Variants in ABLIM1 observed in about 807,000 individuals in gnomAD.
ABLIM1 encodes actin-binding LIM protein 1.
ABLIM1 carries 40 observed loss-of-function variants against 107.0 expected under a neutral mutation model. The ratio of observed to expected loss-of-function variants is 0.37; its 90% CI spans 0.29 to 0.49. The LOEUF is 0.49. Among genes scored for constraint, ABLIM1 ranks in the 20% least tolerant of loss-of-function variants. The pLI is 0.97. For synonymous variants in ABLIM1, 357 were observed against 357.3 expected, an observed-to-expected ratio of 1.00 and a Z score of 0.01; for missense variants, 857 against 1,008.5, an observed-to-expected ratio of 0.85 and a Z score of 2.04.
chr10:114,615,804 T>C (rs2077094728), intron 1 of ABLIM1, among the ~76,000 whole-genome samples: 2 of 150,274 alleles, frequency 1.3e-5, no homozygotes. Context: ...CTCATTTAAG[T>C]CTCTGACTCA....
intron 1 of ABLIM1, among the ~76,000 whole-genome samples, chr10:114,718,816 C>A (rs2081767456): frequency 6.6e-6 from 1 of 152,104 alleles, no homozygotes. Flanking sequence ...CAACAAAAAG[C>A]AAGGTGCAGA....
At chr10:114,439,123 T>C in intron 21 of ABLIM1, 53 bp downstream of exon 21, 1 of 1,591,798 alleles carries the variant, frequency 6.3e-7, no homozygotes, top group Non-Finnish European at 8.6e-7. Flanking sequence ...ACATCAAATC[T>C]GTTTAGGGTT....
rs187049932 is a variant in ABLIM1 at position 114,448,053 on chromosome 10, C to T, written c.1595-33G>A. On this transcript the variant is annotated intron_variant, in intron 14 of 22. Transcript: ENST00000533213. The stretch of plus-strand genomic sequence containing the variant: ...TAGATGGGAATCAGGGGTTGCTTAG[C>T]TATTGGTCTGTAAGACAATGGCGGT... 5.4e-5 allele frequency: 87 copies of T among 1,613,680 alleles called. No homozygotes were observed. The African/African-American group carries it at 9.6e-4, about 18-fold the overall frequency.
intron 14 of ABLIM1, 29 bp from the exon 15 acceptor site, chr10:114,448,049 T>C (rs767967029): frequency 1.2e-6 from 2 of 1,613,926 alleles, no homozygotes; most frequent in East Asian, 4.5e-5. Context: ...CAGGGGTTGC[T>C]TAGCTATTGG....
chr10:114,583,448 C>T (rs866493214), intron 2 of ABLIM1, among the ~76,000 whole-genome samples: 2 of 75,712 alleles, frequency 2.6e-5, no homozygotes, highest in African/African-American at 1.5e-4. Flanking sequence ...CACACACACA[C>T]ACACACACAC....
chr10:114,476,077 G>T (rs2056343687), intron 8 of ABLIM1, among the ~76,000 whole-genome samples: 2 of 152,210 alleles, frequency 1.3e-5, no homozygotes, highest in African/African-American at 2.4e-5. Flanking sequence ...AGGTCAGGCA[G>T]TGATTTGACT....
intron 14 of ABLIM1, among the ~76,000 whole-genome samples, chr10:114,449,561 G>A (rs1282968956): frequency 1.3e-5 from 2 of 152,176 alleles, no homozygotes; most frequent in African/African-American, 4.8e-5. Flanking sequence ...GAGACTATGG[G>A]TGTGGGCCAC....
At chr10:114,745,093 A>T (rs1347947232) in intron 1 of ABLIM1, among the ~76,000 whole-genome samples, 1 of 151,984 alleles carries the variant, frequency 6.6e-6, no homozygotes, top group African/African-American at 2.4e-5. Flanking sequence ...AATTCTTGTC[A>T]ATCCCCCCTC....
intron 1 of ABLIM1, among the ~76,000 whole-genome samples, chr10:114,636,874 A>C (rs1246668054): frequency 6.6e-6 from 1 of 151,994 alleles, no homozygotes; most frequent in Non-Finnish European, 1.5e-5. Flanking sequence ...CTCTTCCAAA[A>C]ATACAAAAAC....
Position 114,431,823 on chromosome 10 carries a change from T to C in ABLIM1, c.*4437A>G, listed in dbSNP as rs930807709. 6.6e-6 allele frequency: 1 copy of C among 152,260 alleles called. No homozygotes were observed. The highest frequency in any genetic ancestry group is 1.9e-4 in the East Asian group (1 of 5,204). 9.4% of individuals were successfully genotyped at this position (152,260 alleles called of 1,614,324 possible). On this transcript the variant is annotated 3_prime_UTR_variant, in exon 23 of 23. Coordinates refer to ENST00000533213, the MANE Select transcript of ABLIM1 (RefSeq NM_002313.7). ...TTTTGCTGTGTACCTATACATTGTTTAGAAAGTTTCTTTTGGCTTAAACTG... is the reference window on the plus strand; with the variant it reads ...TTTTGCTGTGTACCTATACATTGTTCAGAAAGTTTCTTTTGGCTTAAACTG...
chr10:114,571,261 T>C, intron 4 of ABLIM1, 36 bp downstream of exon 4: 1 of 1,575,624 alleles, frequency 6.3e-7, no homozygotes, highest in African/African-American at 1.3e-5. Context: ...CTGGACTACA[T>C]AGGTATTCAC....
At position 114,536,627 on chromosome 10, in the gene ABLIM1, G is replaced by A. The variant is rs532385031; in HGVS notation, c.894+8378C>T. On this transcript the variant is annotated intron_variant, in intron 6 of 22. Coordinates refer to ENST00000533213, the MANE Select transcript of ABLIM1 (RefSeq NM_002313.7). The stretch of plus-strand genomic sequence containing the variant: ...CAGAACTTTGTTCCTTTTTATGGCT[G>A]AATAATATTCCGTTTTCTAGATATA... 4.6e-5 allele frequency among the ~76,000 whole-genome samples: 7 copies of A among 152,174 alleles called. No homozygotes were observed. The East Asian group carries it at 1.4e-3, about 29-fold the overall frequency.
chr10:114,583,468 C>CATATATATATAT (rs140129654), intron 2 of ABLIM1, among the ~76,000 whole-genome samples: 78 of 14,948 alleles, frequency 5.2e-3, no homozygotes, highest in East Asian at 0.011. Context: ...CACACACACA[C>CATATATATATAT]ATATATATAT....
chr10:114,791,781 C>T, the ABLIM1 span, among the ~76,000 whole-genome samples: 2 of 151,736 alleles, frequency 1.3e-5, no homozygotes, highest in African/African-American at 4.8e-5. Context: ...ACATGAAGAC[C>T]CCAATCAGAG....
intron 1 of ABLIM1, among the ~76,000 whole-genome samples, chr10:114,749,535 T>C (rs2082464901): frequency 6.9e-6 from 1 of 145,108 alleles, no homozygotes; most frequent in Non-Finnish European, 1.5e-5. Context: ...AAGCCCAAAG[T>C]CACAGATCAG....
At chr10:114,499,060 C>CT (rs1430925630) in intron 6 of ABLIM1, among the ~76,000 whole-genome samples, 1 of 152,230 alleles carries the variant, frequency 6.6e-6, no homozygotes, top group African/African-American at 2.4e-5. Flanking sequence ...CCCACCAGTG[C>CT]TTCCAGAAGA....
chr10:114,599,529 T>C (rs1466662496), intron 2 of ABLIM1, among the ~76,000 whole-genome samples: 1 of 152,082 alleles, frequency 6.6e-6, no homozygotes, highest in Non-Finnish European at 1.5e-5. Context: ...CCCAGCACTT[T>C]GGGAGGCTGA....
chr10:114,469,516 G>C (rs1215557234), intron 10 of ABLIM1, among the ~76,000 whole-genome samples: 1 of 152,192 alleles, frequency 6.6e-6, no homozygotes, highest in African/African-American at 2.4e-5. Context: ...TGTCAGCGCT[G>C]ATGTCTCTGC....
At chr10:114,564,439 ATT>A (rs34025724) in intron 4 of ABLIM1, among the ~76,000 whole-genome samples, 24 of 143,970 alleles carry the variant, frequency 1.7e-4, no homozygotes, top group African/African-American at 5.8e-4. Context: ...TAATGTTTGT[ATT>A]TTTTTTTTTT....
Sources: allele counts gnomAD v4.1 joint callset (sites outside exome capture counted in the v4.1 genomes callset), GRCh38; gene constraint gnomAD v4.1.1; transcripts MANE v1.5; gene names NCBI Gene and HGNC (gene_info 2026-07-23, HGNC 2026-07-21).